The following OSMR variants were observed in gnomAD, a reference collection of about 807,000 sequenced individuals.
The protein encoded by OSMR is oncostatin M receptor.
In OSMR, 81 loss-of-function variants were observed where a neutral mutation model predicts 99.9. The observed-to-expected ratio is 0.81, with a 90% CI of 0.68 to 0.97. The LOEUF is 0.97. Among genes scored for constraint, OSMR ranks in the 50% least tolerant of loss-of-function variants. The probability of loss-of-function intolerance (pLI) is 0.00; values close to 1 mark genes in which losing one functional copy is unlikely to be tolerated. For missense variants in OSMR, 1,099 were observed against 1,153.4 expected (o/e 0.95, Z 0.68); for synonymous variants, 406 against 410.4 (o/e 0.99, Z 0.13).
In OSMR at chr5:38,943,085, A is replaced by C. The variant is rs1747768615; in HGVS notation, c.75-1116A>C. 1.9e-5 allele frequency: 12 copies of C among 622,256 alleles called. No individual in the cohort carries two copies. The Admixed American group carries it at 2.8e-4, about 14-fold the overall frequency. 38.5% of individuals were successfully genotyped at this position (622,256 alleles called of 1,614,324 possible). A position where few individuals can be genotyped will look rare whatever the true frequency, so the allele number is the denominator to read the frequency against. On this transcript the variant is annotated intron_variant and NMD_transcript_variant, in intron 1 of 2. Coordinates refer to the OSMR transcript ENST00000508882. ...TCCCTACAGATATGGATTAGATGGCATACTTGGGGTGATGACTTGAGAATA... is the reference window on the plus strand; with the variant it reads ...TCCCTACAGATATGGATTAGATGGCCTACTTGGGGTGATGACTTGAGAATA...
Position 38,931,864 on chromosome 5 carries a change from T to C in OSMR, c.2213-19T>C, listed in dbSNP as rs760363776. On this transcript the variant is annotated intron_variant, in intron 15 of 17. Transcript: ENST00000274276. ...GAAAAGTACTTATTAAAAATGTCCC[T>C]TTCTTTTTCCTCGTTCAGCCTCGAT... 4 of 1,610,090 alleles carry C rather than the reference T, an allele frequency of 2.5e-6. No individual in the cohort carries two copies. The highest frequency in any genetic ancestry group is 2.7e-5 in the African/African-American group (2 of 74,854).
intron 1 of OSMR, among the ~76,000 whole-genome samples, chr5:38,854,979 C>T (rs746088036): frequency 2.6e-5 from 4 of 152,140 alleles, no homozygotes; most frequent in Non-Finnish European, 5.9e-5. Flanking sequence ...GAAAGCCGGC[C>T]GGGTGGATGA....
In OSMR at chr5:38,921,774, C is replaced by T; in HGVS notation, c.1745C>T (p.Thr582Ile). The change falls in exon 12 of 18, where the codon ACA becomes ATA. Residue 582 changes from threonine to isoleucine, a missense_variant. Transcript: ENST00000274276. Reference sequence around the variant, plus strand: ...TGGAAGAATGTAGGTCCCAATACCACAAGCACAGTCATTAGCACAGGTAAG... The same window carrying T: ...TGGAAGAATGTAGGTCCCAATACCATAAGCACAGTCATTAGCACAGGTAAG... The part of the protein sequence containing the change: ...FQWKNVGPNT[T>I]STVISTDAFR... 1 of 1,613,878 alleles carries T rather than the reference C, an allele frequency of 6.2e-7. No homozygotes were observed. Among genetic ancestry groups the T allele is most frequent in the Non-Finnish European group, 8.5e-7 (1 of 1,179,774 alleles).
chr5:38,909,093 C>T (rs1745416582), intron 9 of OSMR, among the ~76,000 whole-genome samples: 1 of 152,130 alleles, frequency 6.6e-6, no homozygotes, highest in Non-Finnish European at 1.5e-5. Context: ...TCTGATAGAG[C>T]TGAATAATTC....
At chr5:38,941,360 T>C (rs1018063244) in intron 1 of OSMR, 11 of 231,630 alleles carry the variant, frequency 4.7e-5, no homozygotes, top group African/African-American at 8.8e-5. Context: ...TCTTTCCCCA[T>C]GGAATGTGTA....
At chr5:38,883,656 G>A (rs1743473655) in intron 4 of OSMR, 171 bp from the exon 5 acceptor site, 1 of 978,676 alleles carries the variant, frequency 1.0e-6, no homozygotes, top group South Asian at 4.7e-5. Context: ...TGGTGGAAAG[G>A]ATTGTCTTGC....
intron 4 of OSMR, chr5:38,883,625 T>C: frequency 1.3e-6 from 1 of 793,818 alleles, no homozygotes; most frequent in East Asian, 1.3e-4. Flanking sequence ...AGCAGTGGTA[T>C]CAGTGTAACA....
chr5:38,909,655 A>T (rs1431141234), intron 9 of OSMR, among the ~76,000 whole-genome samples: 3 of 152,188 alleles, frequency 2.0e-5, no homozygotes, highest in Admixed American at 6.5e-5. Flanking sequence ...GAGAAATAAG[A>T]TCCTTTTCAG....
At position 38,923,226 on chromosome 5, in the gene OSMR, G is replaced by GA. The variant is rs762315064; in HGVS notation, c.1849dup (p.Thr617AsnfsTer35). 6 of 1,606,446 alleles carry GA rather than the reference G, an allele frequency of 3.7e-6. No individual in the cohort carries two copies. The East Asian group carries it at 6.7e-5, about 18-fold the overall frequency. The stretch of plus-strand genomic sequence containing the variant: ...CAAAAAGGATTGCTTGTTTATTAGA[G>GA]AAAAAAACAGGATACTCTCAGGAAC... On this transcript the variant is annotated frameshift_variant, in exon 13 of 18. Coordinates refer to ENST00000274276, the MANE Select transcript of OSMR (RefSeq NM_003999.3). LOFTEE classifies it high-confidence loss of function.
chr5:38,860,360 G>A (rs545082404), intron 1 of OSMR, among the ~76,000 whole-genome samples: 4 of 152,062 alleles, frequency 2.6e-5, no homozygotes, highest in African/African-American at 2.4e-5. Flanking sequence ...TTGATGTAAC[G>A]TATCACATTT....
chr5:38,911,431 G>A (rs1042255507), intron 9 of OSMR, among the ~76,000 whole-genome samples: 9 of 152,070 alleles, frequency 5.9e-5, no homozygotes, highest in Admixed American at 5.9e-4. Context: ...AAAAAGCCTA[G>A]GAACCAGAGA....
chr5:38,933,047 C>G lies in OSMR; in HGVS notation c.2543C>G (p.Ser848Cys), dbSNP rs1561416545. 6.2e-7 allele frequency: 1 copy of G among 1,614,198 alleles called. No homozygotes were observed. Among genetic ancestry groups the G allele is most frequent in the Non-Finnish European group, 8.5e-7 (1 of 1,180,014 alleles). ...LYLLPTEKNHSGPGPCICFEN... is the reference protein window; with the variant it reads ...LYLLPTEKNHCGPGPCICFEN... ...CTCCTTCCAACAGAAAAGAATCACT[C>G]TGGCCCTGGCCCCTGCATCTGTTTT... is the stretch of plus-strand genomic sequence containing the variant. The change falls in exon 18 of 18, where the codon TCT becomes TGT. Residue 848 changes from serine to cysteine, a missense_variant. Coordinates refer to ENST00000274276, the MANE Select transcript of OSMR (RefSeq NM_003999.3).
At chr5:38,941,604 C>T (rs1047044933) in intron 1 of OSMR, 4 of 231,170 alleles carry the variant, frequency 1.7e-5, no homozygotes, top group African/African-American at 8.9e-5. Context: ...AGTGAAAAAC[C>T]TTAATTGGTT....
intron 13 of OSMR, among the ~76,000 whole-genome samples, chr5:38,923,858 T>C (rs1280174554): frequency 6.6e-6 from 1 of 152,192 alleles, no homozygotes; most frequent in East Asian, 1.9e-4. Context: ...GTGTGCACGG[T>C]CCAAGTGTGC....
At chr5:38,941,567 G>T (rs920175653) in intron 1 of OSMR, 2 of 230,738 alleles carry the variant, frequency 8.7e-6, no homozygotes, top group Non-Finnish European at 1.7e-5. Flanking sequence ...AATAAAAAAT[G>T]ATTTTTAAAT....
At chr5:38,924,736 A>G in intron 14 of OSMR, 141 bp downstream of exon 14, 1 of 790,650 alleles carries the variant, frequency 1.3e-6, no homozygotes. Context: ...GGTGTTCTTA[A>G]GCAAATTAGT....
Position 38,863,431 on chromosome 5 carries a change from G to A in OSMR, c.-13-5601G>A, listed in dbSNP as rs558489094. On this transcript the variant is annotated intron_variant, in intron 1 of 17. Coordinates refer to ENST00000274276, the MANE Select transcript of OSMR (RefSeq NM_003999.3). ...ATGTGCCTGTAGTCCCAGCTGCTCA[G>A]GAGGCTGAGGCAGGAGAATCGCATG... Among the ~76,000 whole-genome samples, 481 of 152,150 alleles carry A rather than the reference G, an allele frequency of 3.2e-3. 1 individual carries two copies. Among genetic ancestry groups the A allele is most frequent in the Admixed American group, 5.2e-3 (80 of 15,296 alleles).
intron 1 of OSMR, among the ~76,000 whole-genome samples, chr5:38,864,589 C>T (rs1295306552): frequency 6.6e-6 from 1 of 150,574 alleles, no homozygotes; most frequent in Non-Finnish European, 1.5e-5. Flanking sequence ...CCCTTATCTC[C>T]TGGCCTTTAA....
chr5:38,863,597 T>G (rs1390320240), intron 1 of OSMR, among the ~76,000 whole-genome samples: 3 of 152,204 alleles, frequency 2.0e-5, no homozygotes, highest in African/African-American at 7.2e-5. Flanking sequence ...TTTTGGAGAC[T>G]ATTCCATGTG....
Sources: allele counts gnomAD v4.1 joint callset (sites outside exome capture counted in the v4.1 genomes callset), GRCh38; gene constraint gnomAD v4.1.1; transcripts MANE v1.5; gene names NCBI Gene and HGNC (gene_info 2026-07-23, HGNC 2026-07-21).